Variants in ZNF541 observed in about 807,000 individuals in gnomAD.
ZNF541 encodes zinc finger protein 541.
Under a neutral mutation model 123.5 loss-of-function variants are expected in ZNF541, and 23 were observed. The ratio of observed to expected loss-of-function variants is 0.19; its 90% CI spans 0.13 to 0.26. ZNF541 has a LOEUF of 0.26. Among genes scored for constraint, ZNF541 ranks in the 10% least tolerant of loss-of-function variants. The probability of loss-of-function intolerance (pLI) is 1.00; values close to 1 mark genes in which losing one functional copy is unlikely to be tolerated. For synonymous variants in ZNF541, 751 were observed against 754.5 expected, an observed-to-expected ratio of 1.00 and a Z score of 0.08; for missense variants, 1,612 against 1,789.9, an observed-to-expected ratio of 0.90 and a Z score of 1.79.
At chr19:47,525,229 G>C (rs1464701625) in intron 14 of ZNF541, among the ~76,000 whole-genome samples, 1 of 151,736 alleles carries the variant, frequency 6.6e-6, no homozygotes, top group Non-Finnish European at 1.5e-5. Flanking sequence ...ACGTTGCAGT[G>C]AGTGAAGAGC....
intron 9 of ZNF541, among the ~76,000 whole-genome samples, chr19:47,537,819 G>T (rs181237708): frequency 6.6e-6 from 1 of 150,832 alleles, no homozygotes; most frequent in East Asian, 2.0e-4. Context: ...AGGCTGCAGT[G>T]AGCTGTGATC....
chr19:47,547,507 G>A (rs1284799602), intron 4 of ZNF541, among the ~76,000 whole-genome samples: 1 of 152,078 alleles, frequency 6.6e-6, no homozygotes, highest in Non-Finnish European at 1.5e-5. Context: ...TTCCCCAAAG[G>A]CTCACCCTCA....
chr19:47,547,264 C>T (rs1970396277), intron 4 of ZNF541, among the ~76,000 whole-genome samples: 1 of 152,086 alleles, frequency 6.6e-6, no homozygotes, highest in African/African-American at 2.4e-5. Context: ...CTGGAACCCC[C>T]CACAGCAAAG....
rs199557498 is a variant in ZNF541 at position 47,534,644 on chromosome 19, CA to C, written c.3095-1673del. Among the ~76,000 whole-genome samples, 5 of 148,122 alleles carry C rather than the reference CA, an allele frequency of 3.4e-5. No homozygotes were observed. In the East Asian group the frequency reaches 6.3e-4, roughly 19 times the overall value. On this transcript the variant is annotated intron_variant, in intron 9 of 16. Transcript: ENST00000391901. ...GGGGTGACACAGCAAGACTCTGTCT[CA>C]AAAAAAAACCCCTCCAAACCACCCC...
At chr19:47,543,275 A>T (rs193187450) in intron 5 of ZNF541, among the ~76,000 whole-genome samples, 24 of 152,138 alleles carry the variant, frequency 1.6e-4, no homozygotes, top group South Asian at 6.2e-4. Flanking sequence ...AATTTTTTTT[A>T]AATTTTGGTA....
In ZNF541 at chr19:47,528,971, G is replaced by A; in HGVS notation, c.3549C>T (p.Asp1183=). 6.4e-7 allele frequency: 1 copy of A among 1,551,466 alleles called. No individual in the cohort carries two copies. Among genetic ancestry groups the A allele is most frequent in the Non-Finnish European group, 8.7e-7 (1 of 1,146,822 alleles). ...TTACCATCTTGTGTATCAAGTAGAA[G>A]TCCTTCTTGTGGGCATAGAACGCCT... The part of the protein sequence containing the change: ...FKKAFYAHKK[D]FYLIHKMIQT... Residue 1183 remains aspartate, a synonymous_variant, in exon 14 of 17, where the codon GAC becomes GAT. Transcript: ENST00000391901.
chr19:47,530,670 G>A (rs1375112107), intron 12 of ZNF541, among the ~76,000 whole-genome samples: 5 of 150,608 alleles, frequency 3.3e-5, no homozygotes, highest in African/African-American at 9.8e-5. Context: ...TTTTTGAGAC[G>A]GAGTCTCACT....
Position 47,545,694 on chromosome 19 carries a change from C to T in ZNF541, c.835G>A (p.Val279Met), listed in dbSNP as rs943071635. The T allele has an allele frequency of 2.8e-5, 43 of 1,547,894 alleles. No individual in the cohort carries two copies. The highest frequency in any genetic ancestry group is 3.3e-5 in the Non-Finnish European group (38 of 1,146,772). ...GTCTTCTGGTGGACGATGCTACTCA[C>T]GATGCGGCGCAGGAGGTCCCGGTGG... Reference protein sequence around the residue: ...LPHRDLLRRIVSSIVHQKTPS... With the variant: ...LPHRDLLRRIMSSIVHQKTPS... The change falls in exon 5 of 17, where the codon GTG becomes ATG. Residue 279 changes from valine (V) to methionine (M), a missense_variant. Val to Met is a conservative substitution (Grantham distance 21). This residue lies in a region of ZNF541 where 1,080 missense variants were observed against 1,013.8 expected (regional missense o/e 1.07). Transcript: ENST00000391901. This position sits in a 1 kb window ranked among gnomAD's most constrained non-coding sequence, Gnocchi z 7.5.
In ZNF541 at chr19:47,538,414, C is replaced by G. The variant is rs200160121; in HGVS notation, c.2822G>C (p.Arg941Pro). The part of the protein sequence containing the change: ...AMGQEKDGEE[R>P]DSKESSQQRK... Reference sequence around the variant, plus strand: ...CTGCTGGCTGCTCTCCTTGCTGTCTCGCTCCTCCCCGTCTTTCTCTTGTCC... The same window carrying G: ...CTGCTGGCTGCTCTCCTTGCTGTCTGGCTCCTCCCCGTCTTTCTCTTGTCC... The change falls in exon 9 of 17, where the codon CGA becomes CCA. Residue 941 changes from arginine to proline, a missense_variant. Transcript: ENST00000391901. 4.5e-5 allele frequency: 69 copies of G among 1,530,306 alleles called. 1 individual carries two copies. The highest frequency in any genetic ancestry group is 1.3e-5 in the Non-Finnish European group (15 of 1,136,576). 94.8% of individuals were successfully genotyped at this position (1,530,306 alleles called of 1,614,324 possible). A position where few individuals can be genotyped will look rare whatever the true frequency, so the allele number is the denominator to read the frequency against.
At position 47,539,841 on chromosome 19, in the gene ZNF541, A is replaced by T; in HGVS notation, c.2660T>A (p.Val887Glu). The change falls in exon 8 of 17, where the codon GTG becomes GAG. Residue 887 changes from valine to glutamate, a missense_variant. Transcript: ENST00000391901. Reference protein sequence around the residue: ...GTEFCKPLRQVLRPEGDRHSP... With the variant: ...GTEFCKPLRQELRPEGDRHSP... ...ATGCCTGTCCCCTTCTGGCCTCAGC[A>T]CCTGTCTTAGCGGCTTGCAAAACTC... The T allele has an allele frequency of 6.6e-7, 1 of 1,513,612 alleles. No individual in the cohort carries two copies. The highest frequency in any genetic ancestry group is 8.8e-7 in the Non-Finnish European group (1 of 1,136,534). The allele number at this position is 1,513,612 out of a possible 1,614,324, so 93.8% of individuals were successfully genotyped here.
At position 47,527,136 on chromosome 19, in the gene ZNF541, T is replaced by A. The variant is rs1969336228; in HGVS notation, c.3570+1814A>T. Among the ~76,000 whole-genome samples, 3 of 152,154 alleles carry A rather than the reference T, an allele frequency of 2.0e-5. No homozygotes were observed. In the South Asian group the frequency reaches 6.2e-4, roughly 32 times the overall value. On this transcript the variant is annotated intron_variant, in intron 14 of 16. Coordinates refer to ENST00000391901, the MANE Select transcript of ZNF541 (RefSeq NM_001277075.3). ...CAAACTCTAGGAAATGAAAACGAAT[T>A]TACAGTGCCCTGGCAGATCAGTGCT...
intron 2 of ZNF541, among the ~76,000 whole-genome samples, chr19:47,557,673 T>C (rs1424200084): frequency 6.6e-6 from 1 of 152,022 alleles, no homozygotes; most frequent in Non-Finnish European, 1.5e-5. Context: ...GACTGGCTTC[T>C]ACAAAAAATT....
chr19:47,544,527 A>T lies in ZNF541; in HGVS notation c.2002T>A (p.Ser668Thr). 2 of 1,551,560 alleles carry T rather than the reference A, an allele frequency of 1.3e-6. No homozygotes were observed. Among genetic ancestry groups the T allele is most frequent in the Non-Finnish European group, 8.7e-7 (1 of 1,146,988 alleles). ...AGAGAAGAGATGTCTGGATTCCTGG[A>T]AGGGTCCAGAGACGGTGCTGCAAGG... Reference protein sequence around the residue: ...TPLAAPSLDPSRNPDISSLAK... With the variant: ...TPLAAPSLDPTRNPDISSLAK... The change falls in exon 5 of 17, where the codon TCC (serine) becomes ACC (threonine). Residue 668 changes from serine (S) to threonine (T), a missense_variant. Physicochemically the swap from Ser to Thr is moderately conservative, Grantham distance 58. Around this residue, in one of 5 missense-constraint regions of ZNF541, gnomAD observed 1,080 missense variants for 1,013.8 expected, o/e 1.07. Coordinates refer to ENST00000391901, the MANE Select transcript of ZNF541 (RefSeq NM_001277075.3).
chr19:47,544,789 G>A lies in ZNF541; in HGVS notation c.1740C>T (p.Leu580=), dbSNP rs774833452. 47 of 1,524,316 alleles carry A rather than the reference G, an allele frequency of 3.1e-5. No homozygotes were observed. Among genetic ancestry groups the A allele is most frequent in the Non-Finnish European group, 3.8e-5 (43 of 1,139,752 alleles). The allele number at this position is 1,524,316 out of a possible 1,614,324, so 94.4% of individuals were successfully genotyped here. A position where few individuals can be genotyped will look rare whatever the true frequency, so the allele number is the denominator to read the frequency against. ...HAQVAAVSSQ[L]PAPEGKPAAL... The stretch of plus-strand genomic sequence containing the variant: ...CGGCTGGTTTGCCCTCGGGCGCAGG[G>A]AGCTGGGAGGAGACTGCTGCCACCT... Residue 580 remains leucine, a synonymous_variant, in exon 5 of 17, where the codon CTC becomes CTT. Transcript: ENST00000391901.
rs1205705058 is a variant in ZNF541, at chr19:47,540,221, A to C, written c.2577T>G (p.Phe859Leu). The C allele has an allele frequency of 6.4e-7, 1 of 1,551,628 alleles. No individual in the cohort carries two copies. Among genetic ancestry groups the C allele is most frequent in the East Asian group, 2.4e-5 (1 of 40,934 alleles). ...GAGGTGACGGCCACTGGTCGCTGTGAAAACACATGTGGCTGCTCAGCCCTT... is the reference window on the plus strand; with the variant it reads ...GAGGTGACGGCCACTGGTCGCTGTGCAAACACATGTGGCTGCTCAGCCCTT... ...TEKGLSSHMC[F>L]HSDQWPSPRG... The change falls in exon 7 of 17, where the codon TTT becomes TTG. Residue 859 changes from phenylalanine (F) to leucine (L), a missense_variant. Coordinates refer to ENST00000391901, the MANE Select transcript of ZNF541 (RefSeq NM_001277075.3).
chr19:47,527,123 A>G (rs1969335516), intron 14 of ZNF541, among the ~76,000 whole-genome samples: 1 of 152,194 alleles, frequency 6.6e-6, no homozygotes, highest in African/African-American at 2.4e-5. Context: ...AACTCTAGGA[A>G]ATGAAAACGA....
intron 2 of ZNF541, among the ~76,000 whole-genome samples, chr19:47,569,848 C>A (rs1971410786): frequency 6.6e-6 from 1 of 151,212 alleles, no homozygotes; most frequent in African/African-American, 2.5e-5. Context: ...CACGGCACTC[C>A]AGCCTGGGCA....
At chr19:47,554,629 G>T (rs1019626931) in intron 3 of ZNF541, among the ~76,000 whole-genome samples, 1 of 152,154 alleles carries the variant, frequency 6.6e-6, no homozygotes. Context: ...GAAGGGACCG[G>T]ACCCCAGTTC....
At position 47,521,413 on chromosome 19, in the gene ZNF541, G is replaced by A; in HGVS notation, c.3888-36C>T. 6.4e-7 allele frequency: 1 copy of A among 1,550,974 alleles called. No homozygotes were observed. The highest frequency in any genetic ancestry group is 8.7e-7 in the Non-Finnish European group (1 of 1,146,274). ...ACCAGAGGACATGGGGTCAGAGCAGGGAGGAAGGGATCACAGGGGCTGAGG... is the reference window on the plus strand; with the variant it reads ...ACCAGAGGACATGGGGTCAGAGCAGAGAGGAAGGGATCACAGGGGCTGAGG... On this transcript the variant is annotated intron_variant, in intron 16 of 16. Coordinates refer to ENST00000391901, the MANE Select transcript of ZNF541 (RefSeq NM_001277075.3). This position sits in a 1 kb window ranked among gnomAD's most constrained non-coding sequence, Gnocchi z 4.2.
Sources: allele counts gnomAD v4.1 joint callset (sites outside exome capture counted in the v4.1 genomes callset), GRCh38; gene constraint gnomAD v4.1.1; regional missense constraint gnomAD v4.1.1; non-coding constraint Gnocchi (gnomAD v3.1); transcripts MANE v1.5; gene names NCBI Gene and HGNC (gene_info 2026-07-23, HGNC 2026-07-21).